PIN1: variants seen among roughly 807,000 people sequenced by gnomAD.
The protein encoded by PIN1 is peptidyl-prolyl cis-trans isomerase NIMA-interacting 1.
In PIN1, 8 loss-of-function variants were observed where a neutral mutation model predicts 19.9. The observed-to-expected ratio is 0.40, with a 90% CI of 0.24 to 0.72. The LOEUF (loss-of-function observed/expected upper bound fraction) is 0.72, where lower values mean the gene tolerates loss of function less well. Ranked by LOEUF, PIN1 falls within the 30% of genes least tolerant of loss-of-function variation. The pLI, the probability that PIN1 is intolerant of heterozygous loss-of-function variation, is 0.37. For synonymous variants in PIN1, 86 were observed against 90.8 expected (o/e 0.95, Z 0.30); for missense variants, 185 against 226.5 (o/e 0.82, Z 1.18).
intron 3 of PIN1, 92 bp downstream of exon 3, chr19:9,848,232 CCA>C: frequency 1.3e-6 from 1 of 757,862 alleles, no homozygotes; most frequent in East Asian, 2.6e-5. Flanking sequence ...CTCCCAGGTG[CCA>C]CACCGGCCTT....
chr19:9,841,265 GCTGATTGAAGAGCCAGCCTC>G (rs890555781), intron 2 of PIN1, among the ~76,000 whole-genome samples: 1 of 152,176 alleles, frequency 6.6e-6, no homozygotes, highest in African/African-American at 2.4e-5. Flanking sequence ...AATCTTGAAG[GCTGATTGAAGAGCCAGCCTC>G]CTGACCTCTG....
At position 9,838,597 on chromosome 19, in the gene PIN1, C is replaced by T. The variant is rs777453664; in HGVS notation, c.220C>T (p.Arg74Trp). The change falls in exon 2 of 4, where the codon CGG becomes TGG. Residue 74 changes from arginine (R) to tryptophan (W), a missense_variant. Coordinates refer to ENST00000247970, the MANE Select transcript of PIN1 (RefSeq NM_006221.4). This position sits in a 1 kb window ranked among gnomAD's most constrained non-coding sequence, Gnocchi z 5.8. Reference protein sequence around the residue: ...HSQSRRPSSWRQEKITRTKEE... With the variant: ...HSQSRRPSSWWQEKITRTKEE... The stretch of plus-strand genomic sequence containing the variant: ...CCAGTCACGGCGGCCCTCGTCCTGG[C>T]GGCAGGAGAAGATCACCCGGACCAA... The T allele has an allele frequency of 1.3e-6, 2 of 1,555,766 alleles. No homozygotes were observed. Among genetic ancestry groups the T allele is most frequent in the Non-Finnish European group, 1.7e-6 (2 of 1,150,332 alleles).
At chr19:9,837,906 A>G (rs1200830707) in intron 1 of PIN1, 2 of 171,006 alleles carry the variant, frequency 1.2e-5, no homozygotes. Context: ...AAGTGCTGGG[A>G]TTACAGGTGA....
intron 2 of PIN1, among the ~76,000 whole-genome samples, chr19:9,845,508 A>T (rs539698556): frequency 1.3e-4 from 20 of 148,650 alleles, no homozygotes; most frequent in African/African-American, 3.0e-4. Context: ...AAAGCGTTTT[A>T]AAAAAAAAAA....
Position 9,849,127 on chromosome 19 carries a change from G to A in PIN1, c.420G>A (p.Ala140=), listed in dbSNP as rs373470067. 37 of 1,613,814 alleles carry A rather than the reference G, an allele frequency of 2.3e-5. No homozygotes were observed. The highest frequency in any genetic ancestry group is 6.7e-5 in the East Asian group (3 of 44,858). The change falls in exon 4 of 4, where the codon GCG becomes GCA. Residue 140 remains alanine, a synonymous_variant. Coordinates refer to ENST00000247970, the MANE Select transcript of PIN1 (RefSeq NM_006221.4). ...MQKPFEDASF[A]LRTGEMSGPV... is the part of the protein sequence containing the mutation. ...AGCCATTTGAAGACGCCTCGTTTGC[G>A]CTGCGGACGGGGGAGATGAGCGGGC...
chr19:9,844,992 A>C (rs1599453445), intron 2 of PIN1, among the ~76,000 whole-genome samples: 1 of 152,170 alleles, frequency 6.6e-6, no homozygotes, highest in Admixed American at 6.5e-5. Flanking sequence ...GCAACACACC[A>C]ATGGGACGGT....
chr19:9,838,752 G>A lies in PIN1; in HGVS notation c.271+104G>A, dbSNP rs1298680739. 1.5e-5 allele frequency: 14 copies of A among 934,902 alleles called. No homozygotes were observed. In the Admixed American group the frequency reaches 1.6e-4, roughly 11 times the overall value. 57.9% of individuals were successfully genotyped at this position (934,902 alleles called of 1,614,324 possible). ...ACCCCAGCTTGCTCAGCTGCCAGGCGTGGTGTTGGCCAACACAAAAACGCC... is the reference window on the plus strand; with the variant it reads ...ACCCCAGCTTGCTCAGCTGCCAGGCATGGTGTTGGCCAACACAAAAACGCC... On this transcript the variant is annotated intron_variant, in intron 2 of 3. Coordinates refer to ENST00000247970, the MANE Select transcript of PIN1 (RefSeq NM_006221.4). The surrounding 1 kb of genome is among the most constrained non-coding windows in gnomAD (Gnocchi z 5.8).
At position 9,846,134 on chromosome 19, in the gene PIN1, G is replaced by A. The variant is rs2046217888; in HGVS notation, c.272-1896G>A. On this transcript the variant is annotated intron_variant, in intron 2 of 3. Coordinates refer to ENST00000247970, the MANE Select transcript of PIN1 (RefSeq NM_006221.4). The surrounding 1 kb of genome is among the most constrained non-coding windows in gnomAD (Gnocchi z 5.9). ...GGTGGATGTGTCTGGCACAGAGGAGGACCCCGTGGCAGCCCTGGAAGCGGG... is the reference window on the plus strand; with the variant it reads ...GGTGGATGTGTCTGGCACAGAGGAGAACCCCGTGGCAGCCCTGGAAGCGGG... Among the ~76,000 whole-genome samples, 1 of 152,174 alleles carries A rather than the reference G, an allele frequency of 6.6e-6. No individual in the cohort carries two copies. The highest frequency in any genetic ancestry group is 6.5e-5 in the Admixed American group (1 of 15,280).
chr19:9,838,717 C>A lies in PIN1; in HGVS notation c.271+69C>A. The A allele has an allele frequency of 1.6e-6, 2 of 1,288,476 alleles. No homozygotes were observed. Among genetic ancestry groups the A allele is most frequent in the Non-Finnish European group, 2.1e-6 (2 of 930,772 alleles). 79.8% of individuals were successfully genotyped at this position (1,288,476 alleles called of 1,614,324 possible). A position where few individuals can be genotyped will look rare whatever the true frequency, so the allele number is the denominator to read the frequency against. On this transcript the variant is annotated intron_variant, in intron 2 of 3. Transcript: ENST00000247970. The surrounding 1 kb of genome is among the most constrained non-coding windows in gnomAD (Gnocchi z 5.8). ...AGGTGAGCCTTTGTAGAAGTCACATCAGACCCTTCACCCCAGCTTGCTCAG... is the reference window on the plus strand; with the variant it reads ...AGGTGAGCCTTTGTAGAAGTCACATAAGACCCTTCACCCCAGCTTGCTCAG...
intron 2 of PIN1, among the ~76,000 whole-genome samples, chr19:9,841,216 T>C (rs2046162512): frequency 2.6e-5 from 4 of 152,218 alleles, no homozygotes; most frequent in Admixed American, 2.6e-4. Context: ...GTTAGTCTTA[T>C]ATGTAAGCAT....
intron 2 of PIN1, among the ~76,000 whole-genome samples, chr19:9,839,143 G>A (rs978280523): frequency 6.6e-6 from 1 of 152,118 alleles, no homozygotes; most frequent in Non-Finnish European, 1.5e-5. Flanking sequence ...CAGGAAGGTA[G>A]TGAGTGCATG....
At chr19:9,848,687 G>A in intron 3 of PIN1, 1 of 280,630 alleles carries the variant, frequency 3.6e-6, no homozygotes, top group Non-Finnish European at 6.9e-6. Flanking sequence ...TGCAGGGTGT[G>A]GTGTGCAGGT....
At chr19:9,843,493 T>G (rs1337242525) in intron 2 of PIN1, among the ~76,000 whole-genome samples, 1 of 152,212 alleles carries the variant, frequency 6.6e-6, no homozygotes. Context: ...GTTCCCTCAC[T>G]CCCACCTAGG....
In PIN1 at chr19:9,846,140, G is replaced by A. The variant is rs1288524733; in HGVS notation, c.272-1890G>A. On this transcript the variant is annotated intron_variant, in intron 2 of 3. Coordinates refer to ENST00000247970, the MANE Select transcript of PIN1 (RefSeq NM_006221.4). The surrounding 1 kb of genome is among the most constrained non-coding windows in gnomAD (Gnocchi z 5.9). ...TGTGTCTGGCACAGAGGAGGACCCCGTGGCAGCCCTGGAAGCGGGGCATTC... is the reference window on the plus strand; with the variant it reads ...TGTGTCTGGCACAGAGGAGGACCCCATGGCAGCCCTGGAAGCGGGGCATTC... Among the ~76,000 whole-genome samples the A allele has an allele frequency of 2.0e-5, 3 of 152,192 alleles. No homozygotes were observed. Among genetic ancestry groups the A allele is most frequent in the Admixed American group, 6.5e-5 (1 of 15,284 alleles).
chr19:9,846,289 A>G lies in PIN1; in HGVS notation c.272-1741A>G, dbSNP rs1310024279. ...CACGTGGGCCGGCAGGGCCAAGGAT[A>G]GGGAGAGCAGAGCAGTAGAGGCTGC... On this transcript the variant is annotated intron_variant, in intron 2 of 3. Transcript: ENST00000247970. The surrounding 1 kb of genome is among the most constrained non-coding windows in gnomAD (Gnocchi z 5.9). Among the ~76,000 whole-genome samples the G allele has an allele frequency of 6.6e-6, 1 of 152,034 alleles. No individual in the cohort carries two copies. The highest frequency in any genetic ancestry group is 2.4e-5 in the African/African-American group (1 of 41,384).
intron 2 of PIN1, among the ~76,000 whole-genome samples, chr19:9,840,476 G>C (rs1468191282): frequency 6.6e-6 from 1 of 152,210 alleles, no homozygotes; most frequent in Admixed American, 6.5e-5. Context: ...CCAAACCTGG[G>C]CTGTCCCTAC....
In PIN1 at chr19:9,849,358, G is replaced by C. The variant is rs1331512671; in HGVS notation, c.*159G>C. 1 of 712,706 alleles carries C rather than the reference G, an allele frequency of 1.4e-6. No individual in the cohort carries two copies. The highest frequency in any genetic ancestry group is 2.5e-6 in the Non-Finnish European group (1 of 393,320). The allele number at this position is 712,706 out of a possible 1,614,324, so 44.1% of individuals were successfully genotyped here. A position where few individuals can be genotyped will look rare whatever the true frequency, so the allele number is the denominator to read the frequency against. ...GCTGGGAGGGGGCCCTTCCAGATTG[G>C]GGGCCCTGGGGTCCCCACTCCCTGT... is the stretch of plus-strand genomic sequence containing the variant. On this transcript the variant is annotated 3_prime_UTR_variant, in exon 4 of 4. Transcript: ENST00000247970.
chr19:9,835,683 C>G (rs1319550897), intron 1 of PIN1: 2 of 447,008 alleles, frequency 4.5e-6, no homozygotes, highest in African/African-American at 2.1e-5. Flanking sequence ...TGATACCTCT[C>G]GGCCTAATGC....
rs187687728 is a variant in PIN1 at position 9,846,609 on chromosome 19, C to A, written c.272-1421C>A. 4.6e-5 allele frequency among the ~76,000 whole-genome samples: 7 copies of A among 152,238 alleles called. No homozygotes were observed. The highest frequency in any genetic ancestry group is 4.6e-4 in the Admixed American group (7 of 15,292). On this transcript the variant is annotated intron_variant, in intron 2 of 3. Coordinates refer to ENST00000247970, the MANE Select transcript of PIN1 (RefSeq NM_006221.4). This position sits in a 1 kb window ranked among gnomAD's most constrained non-coding sequence, Gnocchi z 5.9. Reference sequence around the variant, plus strand: ...CAGGTTAGAGCGTGAGGCCGAGGGGCCCTGGGGACACTTGGATCAGTCCAG... The same window carrying A: ...CAGGTTAGAGCGTGAGGCCGAGGGGACCTGGGGACACTTGGATCAGTCCAG...
Sources: allele counts gnomAD v4.1 joint callset (sites outside exome capture counted in the v4.1 genomes callset), GRCh38; gene constraint gnomAD v4.1.1; non-coding constraint Gnocchi (gnomAD v3.1); transcripts MANE v1.5; gene names NCBI Gene and HGNC (gene_info 2026-07-23, HGNC 2026-07-21).